LAMA2: variants seen among roughly 807,000 people sequenced by gnomAD.
LAMA2 encodes laminin subunit alpha-2.
LAMA2 carries 269 observed loss-of-function variants against 364.8 expected under a neutral mutation model. The observed-to-expected ratio is 0.74, with a 90% CI of 0.67 to 0.82. LAMA2 has a LOEUF of 0.82. LAMA2 is among the 40% of genes least tolerant of loss of function. LAMA2 has a pLI of 0.00. For missense variants in LAMA2, 3,807 were observed against 3,873.2 expected, an observed-to-expected ratio of 0.98 and a Z score of 0.45; for synonymous variants, 1,379 against 1,370.6, an observed-to-expected ratio of 1.01 and a Z score of -0.14.
At chr6:129,310,545 CAGAG>C (rs1047996305) in intron 22 of LAMA2, among the ~76,000 whole-genome samples, 1 of 152,040 alleles carries the variant, frequency 6.6e-6, no homozygotes, top group Non-Finnish European at 1.5e-5. Flanking sequence ...CAAACTCAGA[CAGAG>C]AGAGGTGATA....
rs1789714158 is a variant in LAMA2 at position 129,291,704 on chromosome 6, G to A, written c.2840G>A (p.Arg947Lys). The A allele has an allele frequency of 1.2e-6, 2 of 1,612,832 alleles. No homozygotes were observed. The highest frequency in any genetic ancestry group is 1.7e-6 in the Non-Finnish European group (2 of 1,178,910). The stretch of plus-strand genomic sequence containing the variant: ...TGCAGAGCCAACGTTCAGGGTCAGA[G>A]ATGTGACAAATGCAAGGTAAGGAGT... ...CECRANVQGQ[R>K]CDKCKAGTFG... The change falls in exon 20 of 65, where the codon AGA (arginine) becomes AAA (lysine). Residue 947 changes from arginine (R) to lysine (K), a missense_variant. Physicochemically the swap from Arg to Lys is conservative, Grantham distance 26. Coordinates refer to ENST00000421865, the MANE Select transcript of LAMA2 (RefSeq NM_000426.4).
At chr6:129,353,448 C>CTTT (rs878949960) in intron 32 of LAMA2, 91 bp downstream of exon 32, 48 of 771,874 alleles carry the variant, frequency 6.2e-5, no homozygotes, top group African/African-American at 2.0e-4. Flanking sequence ...CCCCGCCCGC[C>CTTT]TTTTTTTTTT....
intron 17 of LAMA2, among the ~76,000 whole-genome samples, chr6:129,271,730 G>A (rs146917610): frequency 2.6e-5 from 4 of 152,122 alleles, no homozygotes; most frequent in East Asian, 3.9e-4. Context: ...GGTTCATATC[G>A]TATTGTACAC....
chr6:129,155,867 T>C (rs1328658629), intron 8 of LAMA2, among the ~76,000 whole-genome samples: 1 of 152,070 alleles, frequency 6.6e-6, no homozygotes. Flanking sequence ...TGTGTTTCTA[T>C]ACAATTTTAG....
chr6:129,098,418 A>G lies in LAMA2; in HGVS notation c.639+3A>G. The G allele has an allele frequency of 2.5e-6, 4 of 1,613,976 alleles. No homozygotes were observed. Among genetic ancestry groups the G allele is most frequent in the Non-Finnish European group, 3.4e-6 (4 of 1,179,914 alleles). ...TACACCCCTTAGAAAATGGAGAGGT[A>G]AGATGAGAAAACTCACCATTTAAGC... On this transcript the variant is annotated splice_donor_region_variant and intron_variant, in intron 4 of 64. Coordinates refer to ENST00000421865, the MANE Select transcript of LAMA2 (RefSeq NM_000426.4).
At chr6:129,470,273 G>A (rs1783747423) in intron 51 of LAMA2, among the ~76,000 whole-genome samples, 1 of 151,770 alleles carries the variant, frequency 6.6e-6, no homozygotes, top group Non-Finnish European at 1.5e-5. Flanking sequence ...ATACAGATTT[G>A]GGAGTTAGAT....
intron 3 of LAMA2, among the ~76,000 whole-genome samples, chr6:129,072,631 T>C (rs1773392631): frequency 6.6e-6 from 1 of 152,268 alleles, no homozygotes; most frequent in African/African-American, 2.4e-5. Context: ...CTAATTTTTC[T>C]TCCTCATAAC....
intron 16 of LAMA2, among the ~76,000 whole-genome samples, chr6:129,267,978 G>A (rs1457379331): frequency 6.6e-6 from 1 of 152,008 alleles, no homozygotes; most frequent in Admixed American, 6.6e-5. Context: ...ATTTAAAATG[G>A]TGCCAATTAA....
rs373707295 is a variant in LAMA2 at position 129,460,250 on chromosome 6, A to G, written c.6918A>G (p.Thr2306=). The G allele has an allele frequency of 3.1e-6, 5 of 1,612,046 alleles. No homozygotes were observed. In the African/African-American group the frequency reaches 6.7e-5, roughly 22 times the overall value. ...CATTCACTGGCTGCATGGGAGAAACATACTTTGACAACAAACCTATAGGTT... is the reference window on the plus strand; with the variant it reads ...CATTCACTGGCTGCATGGGAGAAACGTACTTTGACAACAAACCTATAGGTT... ...VITFTGCMGE[T]YFDNKPIGLW... The change falls in exon 49 of 65, where the codon ACA becomes ACG. Residue 2306 remains threonine (T), a synonymous_variant. Coordinates refer to ENST00000421865, the MANE Select transcript of LAMA2 (RefSeq NM_000426.4).
chr6:129,111,208 A>G lies in LAMA2; in HGVS notation c.639+12793A>G, dbSNP rs116767147. Among the ~76,000 whole-genome samples the G allele has an allele frequency of 6.1e-3, 925 of 152,114 alleles. 8 individuals are homozygous for G. The highest frequency in any genetic ancestry group is 0.021 in the African/African-American group (885 of 41,558). On this transcript the variant is annotated intron_variant, in intron 4 of 64. Transcript: ENST00000421865. The stretch of plus-strand genomic sequence containing the variant: ...AAAGCATTCTAGCCTGAGGATGTGT[A>G]CTATTTTGCAACACAGCAGACTGAC...
chr6:128,968,595 C>A (rs1781998523), intron 1 of LAMA2, among the ~76,000 whole-genome samples: 1 of 152,104 alleles, frequency 6.6e-6, no homozygotes, highest in South Asian at 2.1e-4. Flanking sequence ...TAGAGCCCAG[C>A]AAGGGACTTT....
intron 41 of LAMA2, 27 bp from the exon 42 acceptor site, chr6:129,438,619 A>G (rs369381843): frequency 8.8e-5 from 99 of 1,124,892 alleles, no homozygotes; most frequent in Non-Finnish European, 1.3e-4. Context: ...AACTTATTTA[A>G]TCCTTTTTTT....
intron 56 of LAMA2, among the ~76,000 whole-genome samples, chr6:129,489,634 G>T (rs1334080679): frequency 6.6e-6 from 1 of 152,158 alleles, no homozygotes; most frequent in Admixed American, 6.5e-5. Flanking sequence ...GAAGTAGGGT[G>T]AGATATTTTA....
intron 12 of LAMA2, among the ~76,000 whole-genome samples, chr6:129,249,257 T>A (rs1477393965): frequency 6.6e-6 from 1 of 152,178 alleles, no homozygotes; most frequent in Non-Finnish European, 1.5e-5. Flanking sequence ...TCATCAGCTT[T>A]GTTTTATGAA....
intron 27 of LAMA2, 56 bp downstream of exon 27, chr6:129,316,227 A>T: frequency 7.5e-7 from 1 of 1,334,396 alleles, no homozygotes; most frequent in Non-Finnish European, 1.1e-6. Context: ...AAGGAAGGTT[A>T]TTGACCTACA....
chr6:129,287,984 G>A lies in LAMA2; in HGVS notation c.2675G>A (p.Gly892Asp). 6.2e-7 allele frequency: 1 copy of A among 1,614,090 alleles called. No individual in the cohort carries two copies. Among genetic ancestry groups the A allele is most frequent in the Admixed American group, 1.7e-5 (1 of 60,008 alleles). The change falls in exon 19 of 65, where the codon GGT becomes GAT. Residue 892 changes from glycine to aspartate, a missense_variant. Gly to Asp is a moderately conservative substitution (Grantham distance 94). Around this residue, in one of 3 missense-constraint regions of LAMA2, gnomAD observed 3,333 missense variants for 3,345.7 expected, o/e 1.00. Coordinates refer to ENST00000421865, the MANE Select transcript of LAMA2 (RefSeq NM_000426.4). The stretch of plus-strand genomic sequence containing the variant: ...GGCTCCTGTCTGATATGTAAACCAG[G>A]TACAACAGGCCGGTACTGTGAGCTC... Reference protein sequence around the residue: ...LSGSCLICKPGTTGRYCELCA... With the variant: ...LSGSCLICKPDTTGRYCELCA...
rs368895765 is a variant in LAMA2 at position 129,454,213 on chromosome 6, G to A, written c.6632G>A (p.Gly2211Glu). The change falls in exon 47 of 65, where the codon GGA becomes GAA. Residue 2211 changes from glycine (G) to glutamate (E), a missense_variant. Around this residue, in one of 3 missense-constraint regions of LAMA2, gnomAD observed 3,333 missense variants for 3,345.7 expected, o/e 1.00. Transcript: ENST00000421865. ...AAAGTCAGCTTCCTCTGGGATGTTG[G>A]ATCTGGAGTTGGACGTGTAGAGTAC... ...KGKVSFLWDVGSGVGRVEYPD... is the reference protein window; with the variant it reads ...KGKVSFLWDVESGVGRVEYPD... 1.2e-6 allele frequency: 2 copies of A among 1,612,008 alleles called. No homozygotes were observed. The highest frequency in any genetic ancestry group is 2.7e-5 in the African/African-American group (2 of 74,818).
chr6:129,463,923 C>A (rs549134842), intron 49 of LAMA2, among the ~76,000 whole-genome samples: 13 of 151,986 alleles, frequency 8.6e-5, no homozygotes, highest in Non-Finnish European at 1.8e-4. Context: ...AGAGTAGGAT[C>A]CTATATATAA....
chr6:129,369,860 T>A lies in LAMA2; in HGVS notation c.4861-32T>A, dbSNP rs375425966. The A allele has an allele frequency of 2.5e-6, 4 of 1,584,512 alleles. No homozygotes were observed. The African/African-American group carries it at 5.4e-5, about 21-fold the overall frequency. On this transcript the variant is annotated intron_variant, in intron 33 of 64. Coordinates refer to ENST00000421865, the MANE Select transcript of LAMA2 (RefSeq NM_000426.4). ...ACACTATCACTGCAAGGCCATTTAC[T>A]AAAAATGTTTATGGGATGGAATCTT... is the stretch of plus-strand genomic sequence containing the variant.
Sources: allele counts gnomAD v4.1 joint callset (sites outside exome capture counted in the v4.1 genomes callset), GRCh38; gene constraint gnomAD v4.1.1; regional missense constraint gnomAD v4.1.1; transcripts MANE v1.5; gene names NCBI Gene and HGNC (gene_info 2026-07-23, HGNC 2026-07-21).